Variants in BDP1 observed in about 807,000 individuals in gnomAD.
The protein encoded by BDP1 is BDP1 general transcription factor IIIB subunit.
A neutral mutation model predicts 266.6 loss-of-function variants in BDP1; 169 were observed. The ratio of observed to expected loss-of-function variants is 0.63; its 90% CI spans 0.56 to 0.72. The LOEUF (loss-of-function observed/expected upper bound fraction) is 0.72. Ranked by LOEUF, BDP1 falls within the 30% of genes least tolerant of loss-of-function variation. The pLI is 0.00. For synonymous variants in BDP1, 1,090 were observed against 1,022.4 expected, an observed-to-expected ratio of 1.07 and a Z score of -1.26; for missense variants, 3,015 against 3,053.8, an observed-to-expected ratio of 0.99 and a Z score of 0.30.
chr5:71,467,132 T>TA (rs1372992512), intron 5 of BDP1, among the ~76,000 whole-genome samples: 1 of 152,238 alleles, frequency 6.6e-6, no homozygotes, highest in Non-Finnish European at 1.5e-5. Flanking sequence ...ATATTGCTGT[T>TA]ATGGATTTTG....
In BDP1 at chr5:71,517,357, A is replaced by G. The variant is rs1430006222; in HGVS notation, c.4896A>G (p.Pro1632=). 3 of 1,600,616 alleles carry G rather than the reference A, an allele frequency of 1.9e-6. No homozygotes were observed. Among genetic ancestry groups the G allele is most frequent in the South Asian group, 1.1e-5 (1 of 87,234 alleles). The change falls in exon 22 of 39, where the codon CCA becomes CCG. Residue 1632 remains proline (P), a synonymous_variant. Transcript: ENST00000358731. ...NSQIETEIEV[P]SSAVPEHRMY... The stretch of plus-strand genomic sequence containing the variant: ...AAATTGAAACTGAAATTGAAGTTCC[A>G]TCGTCCGCAGTTCCAGAACACAGAA...
At position 71,564,963 on chromosome 5, in the gene BDP1, G is replaced by A; in HGVS notation, c.*78G>A. The A allele has an allele frequency of 7.7e-7, 1 of 1,304,112 alleles. No individual in the cohort carries two copies. Among genetic ancestry groups the A allele is most frequent in the Non-Finnish European group, 1.1e-6 (1 of 947,708 alleles). The allele number at this position is 1,304,112 out of a possible 1,614,324, so 80.8% of individuals were successfully genotyped here. A position where few individuals can be genotyped will look rare whatever the true frequency, so the allele number is the denominator to read the frequency against. On this transcript the variant is annotated 3_prime_UTR_variant, in exon 39 of 39. Transcript: ENST00000358731. ...AATTACATCAACAAAACAGTATTTA[G>A]AGCAAAATATCACTGTCTTATTTTT...
intron 1 of BDP1, among the ~76,000 whole-genome samples, chr5:71,457,390 A>G (rs531870677): frequency 4.1e-5 from 6 of 147,356 alleles, no homozygotes; most frequent in African/African-American, 1.5e-4. Context: ...GGTACGGCTC[A>G]CTGCAACCTC....
Position 71,502,620 on chromosome 5 carries a change from G to T in BDP1, c.2070G>T (p.Leu690=). The T allele has an allele frequency of 1.9e-6, 3 of 1,598,214 alleles. No homozygotes were observed. Among genetic ancestry groups the T allele is most frequent in the African/African-American group, 1.4e-5 (1 of 73,994 alleles). The part of the protein sequence containing the change: ...TVSVLGEKNC[L]QEGSQLKALR... Reference sequence around the variant, plus strand: ...CTAGTTTGGGTGAAAAAAATTGTCTGCAGGAAGGGAGTCAACTAAAGGCTT... The same window carrying T: ...CTAGTTTGGGTGAAAAAAATTGTCTTCAGGAAGGGAGTCAACTAAAGGCTT... Residue 690 remains leucine (L), a synonymous_variant, in exon 15 of 39, where the codon CTG becomes CTT. Coordinates refer to ENST00000358731, the MANE Select transcript of BDP1 (RefSeq NM_018429.3).
At chr5:71,513,819 A>G (rs1475945921) in intron 19 of BDP1, among the ~76,000 whole-genome samples, 1 of 152,026 alleles carries the variant, frequency 6.6e-6, no homozygotes, top group Non-Finnish European at 1.5e-5. Flanking sequence ...TCCCAGGTTC[A>G]AGCGATTCTC....
chr5:71,466,360 T>C lies in BDP1; in HGVS notation c.785+139T>C. The C allele has an allele frequency of 3.2e-6, 3 of 933,298 alleles. 1 individual carries two copies. The South Asian group carries it at 5.5e-5, about 17-fold the overall frequency. 57.8% of individuals were successfully genotyped at this position (933,298 alleles called of 1,614,324 possible). A position where few individuals can be genotyped will look rare whatever the true frequency, so the allele number is the denominator to read the frequency against. On this transcript the variant is annotated intron_variant, in intron 5 of 38. Coordinates refer to ENST00000358731, the MANE Select transcript of BDP1 (RefSeq NM_018429.3). ...TTATTTGCATAATGAATATTGTAAATAGAAAAGTGGGTTAGATTAATTTGT... is the reference window on the plus strand; with the variant it reads ...TTATTTGCATAATGAATATTGTAAACAGAAAAGTGGGTTAGATTAATTTGT...
intron 25 of BDP1, among the ~76,000 whole-genome samples, chr5:71,531,369 A>G (rs1766236366): frequency 6.6e-6 from 1 of 152,202 alleles, no homozygotes; most frequent in African/African-American, 2.4e-5. Flanking sequence ...AAGTAATAGG[A>G]CTCACAAATG....
intron 25 of BDP1, 42 bp downstream of exon 25, chr5:71,524,365 G>T (rs752035551): frequency 5.3e-6 from 8 of 1,520,098 alleles, no homozygotes; most frequent in South Asian, 4.0e-5. Flanking sequence ...ATCTTACTTG[G>T]TTTTCACCTC....
intron 31 of BDP1, among the ~76,000 whole-genome samples, chr5:71,544,819 G>A (rs1448816063): frequency 3.0e-5 from 4 of 134,588 alleles, no homozygotes; most frequent in Admixed American, 2.6e-4. Flanking sequence ...GACGGAGCTT[G>A]CAGTGAGCCA....
chr5:71,572,632 T>C (rs901145670), downstream of BDP1, among the ~76,000 whole-genome samples: 2 of 152,240 alleles, frequency 1.3e-5, no homozygotes, highest in African/African-American at 4.8e-5. Flanking sequence ...GCTTAAAGTT[T>C]CGTTGAAACA....
chr5:71,562,397 G>T lies in BDP1; in HGVS notation c.7620G>T (p.Lys2540Asn). ...AACCTCTTATACCTGGATTAAGAAA[G>T]AAATTGAAAAGATCTAATCCATTCA... ...RLKPLIPGLR[K>N]KLKRSNPFNE... Residue 2540 changes from lysine to asparagine, a missense_variant, in exon 38 of 39, where the codon AAG becomes AAT. Physicochemically the swap from Lys to Asn is moderately conservative, Grantham distance 94 (BLOSUM62 0). Around this residue, in one of 3 missense-constraint regions of BDP1, gnomAD observed 629 missense variants for 632.5 expected, o/e 0.99. Coordinates refer to ENST00000358731, the MANE Select transcript of BDP1 (RefSeq NM_018429.3). The T allele has an allele frequency of 3.7e-6, 6 of 1,613,822 alleles. No individual in the cohort carries two copies. The highest frequency in any genetic ancestry group is 5.1e-6 in the Non-Finnish European group (6 of 1,179,922).
At position 71,502,725 on chromosome 5, in the gene BDP1, C is replaced by T; in HGVS notation, c.2175C>T (p.Leu725=). ...AAGCTGCTGAAAGAAAAGAAATTCT[C>T]ATATCACAGGAAGAAATTGGGGCCA... The part of the protein sequence containing the change: ...AGKAAERKEI[L]ISQEEIGANV... Residue 725 remains leucine (L), a synonymous_variant, in exon 15 of 39, where the codon CTC becomes CTT. Coordinates refer to ENST00000358731, the MANE Select transcript of BDP1 (RefSeq NM_018429.3). 2 of 1,613,862 alleles carry T rather than the reference C, an allele frequency of 1.2e-6. No homozygotes were observed. The highest frequency in any genetic ancestry group is 1.7e-6 in the Non-Finnish European group (2 of 1,179,944).
Position 71,548,759 on chromosome 5 carries a change from C to G in BDP1, c.6808+14C>G. ...AAGACCTAACAGGTATGATAATATG[C>G]TTCAGTGACATGTCATAGAACTTAG... is the stretch of plus-strand genomic sequence containing the variant. On this transcript the variant is annotated intron_variant, in intron 33 of 38. Transcript: ENST00000358731. 6.5e-7 allele frequency: 1 copy of G among 1,544,350 alleles called. No homozygotes were observed. Among genetic ancestry groups the G allele is most frequent in the Non-Finnish European group, 8.9e-7 (1 of 1,120,960 alleles).
chr5:71,571,239 G>A (rs1187034076), downstream of BDP1, among the ~76,000 whole-genome samples: 5 of 152,140 alleles, frequency 3.3e-5, no homozygotes, highest in Admixed American at 6.5e-5. Flanking sequence ...CCACATCCTG[G>A]GCTCAAGGGA....
At chr5:71,460,540 T>G (rs995705509) in intron 2 of BDP1, among the ~76,000 whole-genome samples, 3 of 152,226 alleles carry the variant, frequency 2.0e-5, no homozygotes, top group Non-Finnish European at 4.4e-5. Context: ...TGTAATTATA[T>G]CAACTATGTG....
intron 9 of BDP1, 65 bp downstream of exon 9, chr5:71,486,692 C>T: frequency 6.0e-6 from 8 of 1,337,758 alleles, no homozygotes; most frequent in Non-Finnish European, 7.9e-6. Context: ...TATTGTCCCT[C>T]AGGCCTTTGA....
intron 6 of BDP1, 95 bp downstream of exon 6, chr5:71,467,582 GCAAA>G: frequency 2.0e-6 from 2 of 1,022,636 alleles, no homozygotes; most frequent in Non-Finnish European, 2.9e-6. Flanking sequence ...TACATAAAAT[GCAAA>G]CTACCATTTT....
chr5:71,493,622 G>A (rs1202554928), intron 11 of BDP1, among the ~76,000 whole-genome samples: 2 of 152,130 alleles, frequency 1.3e-5, no homozygotes, highest in African/African-American at 4.8e-5. Context: ...AAATTGTCAT[G>A]TACACAAGAA....
Position 71,552,928 on chromosome 5 carries a change from A to AT in BDP1, c.6996-186dup, listed in dbSNP as rs111496813. On this transcript the variant is annotated intron_variant, in intron 34 of 38. Coordinates refer to ENST00000358731, the MANE Select transcript of BDP1 (RefSeq NM_018429.3). ...TGAAGTATGAATGGAGCTCAAAACT[A>AT]TTAATAGCATTTTTGGGGCCATGGC... Among the ~76,000 whole-genome samples the AT allele has an allele frequency of 5.2e-3, 797 of 152,310 alleles. 10 individuals carry two copies. The highest frequency in any genetic ancestry group is 0.018 in the African/African-American group (745 of 41,576).
Sources: gnomAD v4.1 joint callset for allele counts (sites outside exome capture counted in the v4.1 genomes callset) on GRCh38, gnomAD v4.1.1 for gene constraint, gnomAD v4.1.1 regional missense constraint, MANE v1.5 for transcripts, NCBI Gene and HGNC (gene_info 2026-07-23, HGNC 2026-07-21) for gene names.